The following TTC27 variants were observed in gnomAD, a reference collection of about 807,000 sequenced individuals.
TTC27 encodes tetratricopeptide repeat domain 27.
TTC27 carries 79 observed loss-of-function variants against 115.9 expected under a neutral mutation model. That is an observed-to-expected ratio of 0.68 (90% confidence interval 0.57 to 0.82). The LOEUF is 0.82. TTC27 is among the 40% of genes least tolerant of loss of function. The probability of loss-of-function intolerance (pLI) is 0.00; values close to 1 mark genes in which losing one functional copy is unlikely to be tolerated. For missense variants in TTC27, 1,054 were observed against 993.1 expected (o/e 1.06, Z -0.82); for synonymous variants, 401 against 356.0 (o/e 1.13, Z -1.42).
chr2:32,635,437 A>G (rs1664381089), intron 3 of TTC27: 1 of 152,930 alleles, frequency 6.5e-6, no homozygotes, highest in Admixed American at 6.5e-5. Flanking sequence ...CTGTAATCCC[A>G]GCACTTTGGA....
intron 16 of TTC27, among the ~76,000 whole-genome samples, chr2:32,787,422 A>G (rs1670387042): frequency 6.6e-6 from 1 of 152,240 alleles, no homozygotes; most frequent in African/African-American, 2.4e-5. Flanking sequence ...ACTTTGCAGA[A>G]ACTAAATAAA....
intron 5 of TTC27, among the ~76,000 whole-genome samples, chr2:32,653,330 C>T (rs776302785): frequency 2.0e-5 from 3 of 152,170 alleles, no homozygotes; most frequent in Non-Finnish European, 2.9e-5. Context: ...CACGGTGGCT[C>T]ATGCCTGTAA....
chr2:32,647,406 A>G (rs1369258877), intron 4 of TTC27, among the ~76,000 whole-genome samples: 1 of 152,226 alleles, frequency 6.6e-6, no homozygotes, highest in Non-Finnish European at 1.5e-5. Flanking sequence ...CTATAGTGAT[A>G]GGAAAAGAAT....
At chr2:32,649,702 C>T (rs1001964258) in intron 4 of TTC27, among the ~76,000 whole-genome samples, 5 of 151,948 alleles carry the variant, frequency 3.3e-5, no homozygotes, top group Non-Finnish European at 4.4e-5. Flanking sequence ...CCTGCCACCA[C>T]GCCCAGCTAA....
At chr2:32,785,797 T>A (rs535834480) in intron 15 of TTC27, among the ~76,000 whole-genome samples, 10 of 152,304 alleles carry the variant, frequency 6.6e-5, no homozygotes, top group African/African-American at 2.4e-4. Flanking sequence ...GGTTTCATCA[T>A]GTTGGTCAGG....
chr2:32,672,051 A>G (rs1258822248), intron 7 of TTC27, among the ~76,000 whole-genome samples: 5 of 152,194 alleles, frequency 3.3e-5, no homozygotes, highest in Admixed American at 6.5e-5. Context: ...GTTATTCCCT[A>G]TTATTGTCAT....
At chr2:32,670,742 C>T (rs1196054130) in intron 7 of TTC27, among the ~76,000 whole-genome samples, 10 of 152,036 alleles carry the variant, frequency 6.6e-5, no homozygotes, top group African/African-American at 1.2e-4. Context: ...CTCAGCCTCC[C>T]GAGTAGCTGG....
intron 3 of TTC27, 77 bp from the exon 4 acceptor site, chr2:32,640,193 C>G: frequency 2.9e-6 from 4 of 1,378,436 alleles, no homozygotes; most frequent in Admixed American, 2.3e-5. Context: ...ACTGGAAAAT[C>G]TTTGTATTAT....
intron 1 of TTC27, among the ~76,000 whole-genome samples, chr2:32,629,125 G>A (rs1307576607): frequency 2.0e-5 from 3 of 151,256 alleles, no homozygotes; most frequent in Non-Finnish European, 4.4e-5. Flanking sequence ...AGGCAGCAAA[G>A]TTGTTTTTTT....
At chr2:32,721,706 G>GCCT (rs772456443) in intron 10 of TTC27, among the ~76,000 whole-genome samples, 13 of 150,894 alleles carry the variant, frequency 8.6e-5, no homozygotes, top group African/African-American at 2.9e-4. Context: ...ACTCACTGGA[G>GCCT]TACAGTGGAA....
chr2:32,760,267 T>G (rs964457034), intron 13 of TTC27, among the ~76,000 whole-genome samples: 2 of 152,160 alleles, frequency 1.3e-5, no homozygotes, highest in Non-Finnish European at 2.9e-5. Context: ...CAGCAGAAAC[T>G]AATGGGTGTA....
At chr2:32,731,982 T>C (rs898469724) in intron 10 of TTC27, among the ~76,000 whole-genome samples, 17 of 152,144 alleles carry the variant, frequency 1.1e-4, no homozygotes, top group African/African-American at 3.9e-4. Flanking sequence ...TGCATGTTAT[T>C]AGGTGTTAGT....
At chr2:32,782,422 C>T (rs1319792868) in intron 14 of TTC27, among the ~76,000 whole-genome samples, 1 of 152,094 alleles carries the variant, frequency 6.6e-6, no homozygotes, top group East Asian at 1.9e-4. Flanking sequence ...AGTTACATTG[C>T]ATAGTTGATT....
chr2:32,640,374 C>T lies in TTC27; in HGVS notation c.501C>T (p.Ile167=). 1.2e-6 allele frequency: 2 copies of T among 1,613,906 alleles called. No homozygotes were observed. The highest frequency in any genetic ancestry group is 1.1e-5 in the South Asian group (1 of 91,080). ...TACTACTGTTATTAGCACGCATTAT[C>T]CTAGTGAATGTAAGACATAAACTGA... ...KPILLLLARI[I]LVNVRHKLTA... Residue 167 remains isoleucine (I), a synonymous_variant, in exon 4 of 20, where the codon ATC becomes ATT. Coordinates refer to ENST00000317907, the MANE Select transcript of TTC27 (RefSeq NM_017735.5).
At chr2:32,758,973 T>C (rs1053023965) in intron 13 of TTC27, among the ~76,000 whole-genome samples, 1 of 152,180 alleles carries the variant, frequency 6.6e-6, no homozygotes, top group Non-Finnish European at 1.5e-5. Context: ...TGTATTTATA[T>C]ACACACAAAT....
chr2:32,805,886 A>G (rs936575308), intron 16 of TTC27, among the ~76,000 whole-genome samples: 2 of 152,204 alleles, frequency 1.3e-5, no homozygotes, highest in Non-Finnish European at 2.9e-5. Flanking sequence ...CCAGGCTCCT[A>G]GTCCCTTCCC....
intron 5 of TTC27, among the ~76,000 whole-genome samples, chr2:32,660,661 G>C (rs901169097): frequency 6.6e-6 from 1 of 152,100 alleles, no homozygotes; most frequent in Non-Finnish European, 1.5e-5. Context: ...GTAGATTCTG[G>C]ATATTAGCCC....
At chr2:32,728,776 T>C (rs1432016133) in intron 10 of TTC27, among the ~76,000 whole-genome samples, 1 of 152,144 alleles carries the variant, frequency 6.6e-6, no homozygotes, top group Non-Finnish European at 1.5e-5. Flanking sequence ...ATAAGTTTAA[T>C]GATGGTGTTG....
intron 8 of TTC27, among the ~76,000 whole-genome samples, chr2:32,676,294 C>T (rs1049051394): frequency 6.6e-6 from 1 of 151,858 alleles, no homozygotes; most frequent in Admixed American, 6.6e-5. Flanking sequence ...GTGTGTTTGT[C>T]TTGTAGGTGT....
Sources: allele counts gnomAD v4.1 joint callset (sites outside exome capture counted in the v4.1 genomes callset), GRCh38; gene constraint gnomAD v4.1.1; transcripts MANE v1.5; gene names NCBI Gene and HGNC (gene_info 2026-07-23, HGNC 2026-07-21).